UNC5C: variants seen among roughly 807,000 people sequenced by gnomAD.
UNC5C encodes the protein unc-5 netrin receptor C, also known as netrin receptor UNC5C.
Under a neutral mutation model 99.8 loss-of-function variants are expected in UNC5C, and 47 were observed. The ratio of observed to expected loss-of-function variants is 0.47; its 90% CI spans 0.37 to 0.60. The LOEUF (loss-of-function observed/expected upper bound fraction) is 0.60, where lower values mean the gene tolerates loss of function less well. Ranked by LOEUF, UNC5C falls within the 20% of genes least tolerant of loss-of-function variation. UNC5C has a pLI of 0.00. For synonymous variants in UNC5C, 487 were observed against 452.2 expected, an observed-to-expected ratio of 1.08 and a Z score of -0.98; for missense variants, 1,062 against 1,165.9, an observed-to-expected ratio of 0.91 and a Z score of 1.30.
rs1398225582 is a variant in UNC5C at position 95,345,925 on chromosome 4, A to G, written c.125-10294T>C. ...TAGAAAAACTTCAAACAAACAACCT[A>G]AACATTCATCTTAATAAACTGGAGA... On this transcript the variant is annotated intron_variant, in intron 1 of 15. Transcript: ENST00000453304. Among the ~76,000 whole-genome samples, 4 of 152,072 alleles carry G rather than the reference A, an allele frequency of 2.6e-5. No individual in the cohort carries two copies. The East Asian group carries it at 7.7e-4, about 29-fold the overall frequency.
intron 1 of UNC5C, among the ~76,000 whole-genome samples, chr4:95,454,048 T>A (rs889375733): frequency 2.0e-5 from 3 of 152,074 alleles, no homozygotes; most frequent in Non-Finnish European, 4.4e-5. Context: ...TAGAGGATGT[T>A]CTGCGGGGTT....
intron 1 of UNC5C, among the ~76,000 whole-genome samples, chr4:95,403,348 A>G (rs1745750814): frequency 6.6e-6 from 1 of 152,148 alleles, no homozygotes; most frequent in Non-Finnish European, 1.5e-5. Flanking sequence ...AGGACAGGTG[A>G]GCTGGAACCC....
chr4:95,278,458 G>A, intron 3 of UNC5C, 96 bp from the exon 4 acceptor site: 1 of 896,534 alleles, frequency 1.1e-6, no homozygotes, highest in Non-Finnish European at 1.7e-6. Flanking sequence ...TATTTTATCT[G>A]TGCTTTTTTT....
intron 1 of UNC5C, among the ~76,000 whole-genome samples, chr4:95,476,177 G>A (rs1166515492): frequency 2.6e-5 from 4 of 151,996 alleles, no homozygotes; most frequent in Admixed American, 2.6e-4. Flanking sequence ...TTTCTAGAAT[G>A]AGAGAACTTC....
chr4:95,478,183 C>T (rs1486802067), intron 1 of UNC5C, among the ~76,000 whole-genome samples: 2 of 151,888 alleles, frequency 1.3e-5, no homozygotes, highest in African/African-American at 4.8e-5. Context: ...TTTTGCTTCT[C>T]AAGCTCCTAC....
At chr4:95,332,817 A>G (rs1743172192) in intron 2 of UNC5C, among the ~76,000 whole-genome samples, 1 of 151,888 alleles carries the variant, frequency 6.6e-6, no homozygotes, top group Non-Finnish European at 1.5e-5. Context: ...TTCACAACCT[A>G]CTCATCTGAC....
intron 1 of UNC5C, among the ~76,000 whole-genome samples, chr4:95,490,043 G>C (rs1174612714): frequency 7.3e-6 from 1 of 137,018 alleles, no homozygotes; most frequent in Non-Finnish European, 1.7e-5. Flanking sequence ...GAAGAGAAGG[G>C]GACCCCAGAT....
intron 1 of UNC5C, among the ~76,000 whole-genome samples, chr4:95,523,671 G>A: frequency 6.6e-6 from 1 of 152,110 alleles, no homozygotes; most frequent in East Asian, 1.9e-4. Flanking sequence ...GAAGTTGAAA[G>A]AACAAGATAA....
chr4:95,319,379 A>G (rs1742594292), intron 2 of UNC5C, among the ~76,000 whole-genome samples: 1 of 152,190 alleles, frequency 6.6e-6, no homozygotes, highest in Non-Finnish European at 1.5e-5. Flanking sequence ...ACTTTCTTCC[A>G]GAACACAATT....
At chr4:95,339,885 T>G (rs1265100963) in intron 1 of UNC5C, among the ~76,000 whole-genome samples, 1 of 151,988 alleles carries the variant, frequency 6.6e-6, no homozygotes, top group African/African-American at 2.4e-5. Context: ...ACTTAACGCA[T>G]TTTTGATTTA....
intron 1 of UNC5C, among the ~76,000 whole-genome samples, chr4:95,341,397 A>G (rs2626057): frequency 0.78 from 117,586 of 151,326 alleles, 46,337 homozygotes; most frequent in East Asian, 1. Flanking sequence ...CTAGAAGGGC[A>G]AGCAAATAAA....
rs773039868 is a variant in UNC5C, at chr4:95,182,949, C to T, written c.2399G>A (p.Arg800Gln). 5.0e-6 allele frequency: 8 copies of T among 1,613,830 alleles called. No individual in the cohort carries two copies. Among genetic ancestry groups the T allele is most frequent in the East Asian group, 2.2e-5 (1 of 44,880 alleles). Residue 800 changes from arginine (R) to glutamine (Q), a missense_variant, in exon 14 of 16, where the codon CGG becomes CAG. Transcript: ENST00000453304. Reference protein sequence around the residue: ...TVELVCKLCVRQVEGEGQIFQ... With the variant: ...TVELVCKLCVQQVEGEGQIFQ... Reference sequence around the variant, plus strand: ...GATCTGCCCTTCTCCTTCCACCTGCCGCACACAGAGTTTGCAAACCAGCTC... The same window carrying T: ...GATCTGCCCTTCTCCTTCCACCTGCTGCACACAGAGTTTGCAAACCAGCTC...
intron 1 of UNC5C, among the ~76,000 whole-genome samples, chr4:95,458,913 C>T (rs889756885): frequency 6.6e-6 from 1 of 151,938 alleles, no homozygotes; most frequent in African/African-American, 2.4e-5. Flanking sequence ...CAAGCCTTAT[C>T]CCTTAACATA....
At position 95,418,390 on chromosome 4, in the gene UNC5C, C is replaced by T. The variant is rs140521309; in HGVS notation, c.125-82759G>A. On this transcript the variant is annotated intron_variant, in intron 1 of 15. Transcript: ENST00000453304. ...TGATTCATTGACAATTTTTGTAAACCAGGAGAAGTGTTACATTATCTTTTA... is the reference window on the plus strand; with the variant it reads ...TGATTCATTGACAATTTTTGTAAACTAGGAGAAGTGTTACATTATCTTTTA... 5.2e-3 allele frequency among the ~76,000 whole-genome samples: 788 copies of T among 152,142 alleles called. 31 individuals are homozygous for T. The highest frequency in any genetic ancestry group is 0.038 in the Admixed American group (583 of 15,292).
chr4:95,511,054 A>G (rs554014187), intron 1 of UNC5C, among the ~76,000 whole-genome samples: 1 of 152,312 alleles, frequency 6.6e-6, no homozygotes, highest in South Asian at 2.1e-4. Context: ...TCAGAAAGAC[A>G]GAAAGAATAG....
At chr4:95,447,569 C>T (rs546591467) in intron 1 of UNC5C, among the ~76,000 whole-genome samples, 15 of 151,928 alleles carry the variant, frequency 9.9e-5, no homozygotes, top group Non-Finnish European at 1.6e-4. Context: ...GGCGCAATCT[C>T]GGCTTACTGC....
chr4:95,311,782 G>T (rs1742285756), intron 2 of UNC5C, among the ~76,000 whole-genome samples: 1 of 152,184 alleles, frequency 6.6e-6, no homozygotes, highest in African/African-American at 2.4e-5. Flanking sequence ...ACTGGTTCAT[G>T]CCTATAATTC....
chr4:95,354,479 A>ATATATATATATATATATATATTTTT, intron 1 of UNC5C, among the ~76,000 whole-genome samples: 3 of 110,342 alleles, frequency 2.7e-5, no homozygotes, highest in Non-Finnish European at 5.4e-5. Flanking sequence ...ATATATATAT[A>ATATATATATATATATATATATTTTT]TTTTTTTTTT....
At chr4:95,208,083 G>A (rs1362842353) in intron 10 of UNC5C, among the ~76,000 whole-genome samples, 3 of 152,062 alleles carry the variant, frequency 2.0e-5, no homozygotes, top group Admixed American at 2.0e-4. Context: ...ATGGATGCTT[G>A]TCATTGTTTT....
Sources: allele counts gnomAD v4.1 joint callset (sites outside exome capture counted in the v4.1 genomes callset), GRCh38; gene constraint gnomAD v4.1.1; transcripts MANE v1.5; gene names NCBI Gene and HGNC (gene_info 2026-07-23, HGNC 2026-07-21).